The following XRCC4 variants were observed in gnomAD, a reference collection of about 807,000 sequenced individuals.
The protein encoded by XRCC4 is X-ray repair cross complementing 4.
Under a neutral mutation model 39.1 loss-of-function variants are expected in XRCC4, and 28 were observed. The ratio of observed to expected loss-of-function variants is 0.72; its 90% CI spans 0.53 to 0.98. XRCC4 has a LOEUF of 0.98. Ranked by LOEUF, XRCC4 falls within the 50% of genes least tolerant of loss-of-function variation. The pLI is 0.00. For synonymous variants in XRCC4, 123 were observed against 126.4 expected, an observed-to-expected ratio of 0.97 and a Z score of 0.18; for missense variants, 350 against 376.4, an observed-to-expected ratio of 0.93 and a Z score of 0.58.
chr5:83,227,209 C>G (rs1318263347), intron 6 of XRCC4, among the ~76,000 whole-genome samples: 1 of 152,054 alleles, frequency 6.6e-6, no homozygotes, highest in Non-Finnish European at 1.5e-5. Flanking sequence ...ATATGTTTCT[C>G]TCCACTCCGT....
chr5:83,083,880 C>T (rs993569477), intron 1 of XRCC4, among the ~76,000 whole-genome samples: 6 of 152,100 alleles, frequency 3.9e-5, no homozygotes, highest in Non-Finnish European at 8.8e-5. Context: ...TTTAAAGATT[C>T]GTATAATATT....
chr5:83,374,396 G>A, the XRCC4 span, among the ~76,000 whole-genome samples: 1 of 152,138 alleles, frequency 6.6e-6, no homozygotes, highest in African/African-American at 2.4e-5. Context: ...CGTGCGTTTT[G>A]CCTTCTGCCA....
Position 83,203,710 on chromosome 5 carries a change from A to C in XRCC4, c.638+3A>C. On this transcript the variant is annotated splice_donor_region_variant and intron_variant, in intron 5 of 7. Transcript: ENST00000396027. ...GAAAAGGACATCAAACAAGAAGGGT[A>C]TTTTCGCTATCTTGTTTTTGGATGA... 1.2e-6 allele frequency: 2 copies of C among 1,607,646 alleles called. No homozygotes were observed. Among genetic ancestry groups the C allele is most frequent in the Non-Finnish European group, 1.7e-6 (2 of 1,177,706 alleles).
chr5:83,130,146 A>G (rs529482578), intron 3 of XRCC4, among the ~76,000 whole-genome samples: 5 of 152,280 alleles, frequency 3.3e-5, no homozygotes, highest in African/African-American at 1.2e-4. Context: ...CGTCCCATCA[A>G]TACCTAATTT....
rs960661442 is a variant in XRCC4 at position 83,217,844 on chromosome 5, G to C, written c.745+12923G>C. Among the ~76,000 whole-genome samples the C allele has an allele frequency of 2.0e-5, 3 of 152,008 alleles. No individual in the cohort carries two copies. In the South Asian group the frequency reaches 6.2e-4, roughly 32 times the overall value. On this transcript the variant is annotated intron_variant, in intron 6 of 7. Coordinates refer to ENST00000396027, the MANE Select transcript of XRCC4 (RefSeq NM_003401.5). ...ATCTTGTAGGTATAACACTTGTTCT[G>C]CCACCCATAAGACTGCTAGCCAGCC...
chr5:83,105,321 T>C (rs1163117063), intron 2 of XRCC4, among the ~76,000 whole-genome samples: 1 of 152,226 alleles, frequency 6.6e-6, no homozygotes, highest in Non-Finnish European at 1.5e-5. Flanking sequence ...ATGACCTCTT[T>C]ATAGAAAATA....
At position 83,175,010 on chromosome 5, in the gene XRCC4, A is replaced by C. The variant is rs73132584; in HGVS notation, c.316-20760A>C. On this transcript the variant is annotated intron_variant, in intron 3 of 7. Transcript: ENST00000396027. ...CTATAATGTAGACTGCCTTGTTCAC[A>C]TACATGGTAGGAACTAAAGAAAGAA... Among the ~76,000 whole-genome samples the C allele has an allele frequency of 1.7e-3, 261 of 152,324 alleles. 1 individual carries two copies. Among genetic ancestry groups the C allele is most frequent in the African/African-American group, 6.2e-3 (259 of 41,576 alleles).
chr5:83,118,231 C>T (rs1478633566), intron 3 of XRCC4, among the ~76,000 whole-genome samples: 2 of 151,742 alleles, frequency 1.3e-5, no homozygotes, highest in Non-Finnish European at 2.9e-5. Flanking sequence ...TCCAAATAGG[C>T]AAACCTGGGT....
At chr5:83,142,261 C>G (rs762223866) in intron 3 of XRCC4, among the ~76,000 whole-genome samples, 1 of 151,086 alleles carries the variant, frequency 6.6e-6, no homozygotes, top group Non-Finnish European at 1.5e-5. Flanking sequence ...ATGATATTAT[C>G]CAGTAGGTCC....
intron 7 of XRCC4, among the ~76,000 whole-genome samples, chr5:83,309,490 G>A (rs531064707): frequency 1.4e-3 from 205 of 150,676 alleles, no homozygotes; most frequent in African/African-American, 4.8e-3. Flanking sequence ...GGCTGGGCGC[G>A]GTGGCTCACG....
intron 3 of XRCC4, among the ~76,000 whole-genome samples, chr5:83,191,501 G>A (rs1750691907): frequency 6.6e-6 from 1 of 152,070 alleles, no homozygotes; most frequent in African/African-American, 2.4e-5. Flanking sequence ...TCAGGAGTTC[G>A]AGACCAGCCT....
chr5:83,258,883 G>A (rs191074554), intron 7 of XRCC4: 62 of 639,572 alleles, frequency 9.7e-5, no homozygotes, highest in African/African-American at 2.1e-4. Context: ...TGCTGAGAAC[G>A]TAAGCAAAAA....
chr5:83,247,962 G>A (rs567237612), intron 6 of XRCC4, among the ~76,000 whole-genome samples: 6 of 152,236 alleles, frequency 3.9e-5, no homozygotes, highest in East Asian at 1.9e-4. Flanking sequence ...TTATACTGCA[G>A]TAATAACAGT....
chr5:83,209,793 TAAG>T (rs1221096045), intron 6 of XRCC4, among the ~76,000 whole-genome samples: 1 of 152,094 alleles, frequency 6.6e-6, no homozygotes, highest in Non-Finnish European at 1.5e-5. Flanking sequence ...AAAATACAAA[TAAG>T]AAATCTTTTC....
intron 6 of XRCC4, among the ~76,000 whole-genome samples, chr5:83,257,260 A>G (rs1753577084): frequency 6.6e-6 from 1 of 152,024 alleles, no homozygotes; most frequent in African/African-American, 2.4e-5. Context: ...AAATCGACTC[A>G]GTTTCTCCCA....
chr5:83,139,076 A>G (rs1748038201), intron 3 of XRCC4, among the ~76,000 whole-genome samples: 1 of 152,118 alleles, frequency 6.6e-6, no homozygotes, highest in African/African-American at 2.4e-5. Flanking sequence ...ATTTTATTTC[A>G]GTTTCACCAG....
At chr5:83,309,296 A>AAAAAAAAAAAATATATAT (rs1561467702) in intron 7 of XRCC4, among the ~76,000 whole-genome samples, 4 of 72,210 alleles carry the variant, frequency 5.5e-5, no homozygotes, top group Non-Finnish European at 6.2e-5. Context: ...AAAAAAAAAA[A>AAAAAAAAAAAATATATAT]ATATATATAT....
intron 1 of XRCC4, among the ~76,000 whole-genome samples, chr5:83,088,984 T>C (rs553216745): frequency 2.6e-5 from 4 of 152,322 alleles, no homozygotes; most frequent in African/African-American, 7.2e-5. Flanking sequence ...AGGCCACCAA[T>C]TGATTAATCT....
rs76735673 is a variant in XRCC4, at chr5:83,212,211, C to T, written c.745+7290C>T. Among the ~76,000 whole-genome samples the T allele has an allele frequency of 8.8e-3, 1,329 of 151,620 alleles. 25 individuals are homozygous for T. The highest frequency in any genetic ancestry group is 0.03 in the African/African-American group (1,255 of 41,300). ...ATGTTTAAAGCCCTAAAGGAGAGTACGATATAAATGTATCAACAAGTAAAG... is the reference window on the plus strand; with the variant it reads ...ATGTTTAAAGCCCTAAAGGAGAGTATGATATAAATGTATCAACAAGTAAAG... On this transcript the variant is annotated intron_variant, in intron 6 of 7. Coordinates refer to ENST00000396027, the MANE Select transcript of XRCC4 (RefSeq NM_003401.5).
Sources: gnomAD v4.1 joint callset for allele counts (sites outside exome capture counted in the v4.1 genomes callset) on GRCh38, gnomAD v4.1.1 for gene constraint, MANE v1.5 for transcripts, NCBI Gene and HGNC (gene_info 2026-07-23, HGNC 2026-07-21) for gene names.